DNAH6: variants seen among roughly 807,000 people sequenced by gnomAD.
DNAH6 encodes the protein dynein axonemal heavy chain 6.
In DNAH6, 340 loss-of-function variants were observed where a neutral mutation model predicts 491.4. The ratio of observed to expected loss-of-function variants is 0.69; its 90% CI spans 0.63 to 0.76. The LOEUF (loss-of-function observed/expected upper bound fraction) is 0.76. Among genes scored for constraint, DNAH6 ranks in the 30% least tolerant of loss-of-function variants. The pLI is 0.00. For synonymous variants in DNAH6, 1,603 were observed against 1,686.1 expected, an observed-to-expected ratio of 0.95 and a Z score of 1.21; for missense variants, 4,443 against 4,972.2, an observed-to-expected ratio of 0.89 and a Z score of 3.20.
At chr2:84,525,773 C>A in intron 3 of DNAH6, 35 bp downstream of exon 3, 1 of 1,469,498 alleles carries the variant, frequency 6.8e-7, no homozygotes, top group Non-Finnish European at 9.2e-7. Flanking sequence ...ATTCTTTTAA[C>A]TTAATTTTGT....
intron 76 of DNAH6, among the ~76,000 whole-genome samples, chr2:84,819,075 GA>G (rs1553509929): frequency 2.0e-4 from 29 of 145,860 alleles, no homozygotes; most frequent in East Asian, 7.8e-4. Flanking sequence ...ACCCTGTCTC[GA>G]AAAAAAAAAT....
chr2:84,549,769 A>G (rs185299902), intron 8 of DNAH6, 120 bp from the exon 9 acceptor site: 9 of 701,058 alleles, frequency 1.3e-5, no homozygotes, highest in African/African-American at 1.3e-4. Flanking sequence ...ATATAATTAA[A>G]TGGAAATTCA....
the DNAH6 span, among the ~76,000 whole-genome samples, chr2:84,494,900 T>C: frequency 1.3e-5 from 2 of 152,256 alleles, no homozygotes; most frequent in Non-Finnish European, 2.9e-5. Context: ...TGGAGCAGGA[T>C]CTGAGATTCT....
chr2:84,632,003 AC>A (rs1287539687), intron 29 of DNAH6, among the ~76,000 whole-genome samples: 1 of 152,198 alleles, frequency 6.6e-6, no homozygotes, highest in Admixed American at 6.5e-5. Context: ...CCTTGTTGGA[AC>A]AAGTGGTAAA....
At chr2:84,673,945 A>C (rs1016624098) in intron 40 of DNAH6, among the ~76,000 whole-genome samples, 1 of 152,206 alleles carries the variant, frequency 6.6e-6, no homozygotes, top group African/African-American at 2.4e-5. Flanking sequence ...TCAAGTTGAT[A>C]TTCAGTATTA....
intron 10 of DNAH6, among the ~76,000 whole-genome samples, chr2:84,556,713 G>T (rs1680058770): frequency 6.6e-6 from 1 of 152,188 alleles, no homozygotes; most frequent in Non-Finnish European, 1.5e-5. Context: ...AGTGCATACT[G>T]ATATGCTGAC....
At chr2:84,720,435 C>T (rs919089863) in intron 59 of DNAH6, among the ~76,000 whole-genome samples, 5 of 150,634 alleles carry the variant, frequency 3.3e-5, no homozygotes, top group Non-Finnish European at 5.9e-5. Flanking sequence ...CCCGCCACTA[C>T]GCCCGGCTAA....
chr2:84,656,764 C>T (rs552754480), intron 35 of DNAH6, among the ~76,000 whole-genome samples: 4 of 151,936 alleles, frequency 2.6e-5, no homozygotes, highest in East Asian at 3.9e-4. Flanking sequence ...AACAATACTC[C>T]GGTTTCTCTT....
chr2:84,708,171 C>T lies in DNAH6; in HGVS notation c.9048+455C>T, dbSNP rs543343598. Among the ~76,000 whole-genome samples the T allele has an allele frequency of 3.4e-4, 52 of 152,162 alleles. No individual in the cohort carries two copies. The East Asian group carries it at 0.01, about 29-fold the overall frequency. On this transcript the variant is annotated intron_variant, in intron 54 of 76. Coordinates refer to ENST00000389394, the MANE Select transcript of DNAH6 (RefSeq NM_001370.2). ...AGAAAGCCTCAGCTGGGTGCGGTGG[C>T]TCATGCCTATAATCCCAGCACTTTG...
At chr2:84,639,120 G>A (rs777527748) in intron 31 of DNAH6, among the ~76,000 whole-genome samples, 2 of 152,144 alleles carry the variant, frequency 1.3e-5, no homozygotes, top group Admixed American at 6.5e-5. Flanking sequence ...GCTTACAGCA[G>A]CTCAGGGGTC....
intron 33 of DNAH6, 38 bp from the exon 34 acceptor site, chr2:84,653,281 C>T: frequency 2.1e-6 from 3 of 1,398,514 alleles, no homozygotes; most frequent in Non-Finnish European, 2.9e-6. Flanking sequence ...ATATCAATGA[C>T]CAGTTGTTCC....
At chr2:84,769,173 G>A (rs1307205126) in intron 64 of DNAH6, among the ~76,000 whole-genome samples, 2 of 152,222 alleles carry the variant, frequency 1.3e-5, no homozygotes, top group East Asian at 1.9e-4. Flanking sequence ...CCATGGGGAT[G>A]GCAGGAGCTG....
intron 63 of DNAH6, among the ~76,000 whole-genome samples, chr2:84,758,743 C>T (rs1241750554): frequency 6.6e-6 from 1 of 152,132 alleles, no homozygotes; most frequent in East Asian, 1.9e-4. Context: ...ATTCAGCACC[C>T]CTTCATGATA....
intron 18 of DNAH6, among the ~76,000 whole-genome samples, chr2:84,602,208 G>A (rs182603159): frequency 4.0e-4 from 61 of 152,110 alleles, no homozygotes; most frequent in South Asian, 1.9e-3. Flanking sequence ...CTAAGTTTCT[G>A]ACTCATAACA....
chr2:84,713,082 T>C lies in DNAH6; in HGVS notation c.9379-13T>C. 6.5e-7 allele frequency: 1 copy of C among 1,546,018 alleles called. No homozygotes were observed. Among genetic ancestry groups the C allele is most frequent in the Non-Finnish European group, 8.7e-7 (1 of 1,145,108 alleles). The stretch of plus-strand genomic sequence containing the variant: ...TTCTTTTTGTATTGTCCTGTTTTGT[T>C]TTAATTTCTAAGCTTAAGGAAACCT... On this transcript the variant is annotated splice_polypyrimidine_tract_variant and intron_variant, in intron 56 of 76. Transcript: ENST00000389394.
At chr2:84,482,035 C>G in the DNAH6 span, among the ~76,000 whole-genome samples, 1 of 152,316 alleles carries the variant, frequency 6.6e-6, no homozygotes, top group Non-Finnish European at 1.5e-5. Context: ...TTTTCAAAGG[C>G]TCCCAAGTGG....
intron 41 of DNAH6, among the ~76,000 whole-genome samples, chr2:84,680,921 G>A (rs1693722820): frequency 6.6e-6 from 1 of 152,168 alleles, no homozygotes; most frequent in Admixed American, 6.5e-5. Flanking sequence ...GGAAGCTGAA[G>A]TGTGAGGGAG....
chr2:84,489,137 C>CT, the DNAH6 span, among the ~76,000 whole-genome samples: 1 of 151,924 alleles, frequency 6.6e-6, no homozygotes. Context: ...TTTTTGCTTT[C>CT]TTTTTTATCT....
At chr2:84,765,296 TG>T (rs1450038613) in intron 64 of DNAH6, among the ~76,000 whole-genome samples, 2 of 152,094 alleles carry the variant, frequency 1.3e-5, no homozygotes, top group East Asian at 3.8e-4. Flanking sequence ...GCTCAGATCA[TG>T]TAGATAATGT....
Sources: gnomAD v4.1 joint callset for allele counts (sites outside exome capture counted in the v4.1 genomes callset) on GRCh38, gnomAD v4.1.1 for gene constraint, MANE v1.5 for transcripts, NCBI Gene and HGNC (gene_info 2026-07-23, HGNC 2026-07-21) for gene names.